SPACA7: variants seen among roughly 807,000 people sequenced by gnomAD.
SPACA7 encodes sperm acrosome associated 7.
SPACA7 carries 19 observed loss-of-function variants against 26.3 expected under a neutral mutation model. That is an observed-to-expected ratio of 0.72 (90% CI 0.50 to 1.06). The LOEUF is 1.06. SPACA7 is among the 50% of genes least tolerant of loss of function. The pLI, the probability that SPACA7 is intolerant of heterozygous loss-of-function variation, is 0.00. For synonymous variants in SPACA7, 84 were observed against 84.5 expected (o/e 0.99, Z 0.04); for missense variants, 211 against 229.9 (o/e 0.92, Z 0.53).
At chr13:112,388,679 C>T (rs570611046) in intron 1 of SPACA7, among the ~76,000 whole-genome samples, 9 of 152,308 alleles carry the variant, frequency 5.9e-5, no homozygotes, top group African/African-American at 1.9e-4. Context: ...AGAGCCAATT[C>T]GTCACAACAG....
chr13:112,392,612 G>A (rs1444270556), intron 1 of SPACA7, among the ~76,000 whole-genome samples: 1 of 152,180 alleles, frequency 6.6e-6, no homozygotes. Context: ...TCACGAAGGA[G>A]GTCCAAATGC....
intron 6 of SPACA7, among the ~76,000 whole-genome samples, chr13:112,433,788 C>A (rs1191678812): frequency 6.6e-6 from 1 of 152,184 alleles, no homozygotes; most frequent in Admixed American, 6.5e-5. Flanking sequence ...GCAGCAGGGA[C>A]CAGGCCAACA....
chr13:112,398,162 C>G (rs770457177), intron 3 of SPACA7, 24 bp downstream of exon 3: 1 of 1,528,866 alleles, frequency 6.5e-7, no homozygotes, highest in Non-Finnish European at 9.1e-7. Flanking sequence ...CAAGCACACC[C>G]CTTTCTAACC....
At chr13:112,420,967 A>G (rs1875904288) in intron 5 of SPACA7, among the ~76,000 whole-genome samples, 1 of 152,178 alleles carries the variant, frequency 6.6e-6, no homozygotes, top group Admixed American at 6.5e-5. Flanking sequence ...CCAGAATTCT[A>G]TTCTCAGAGA....
At chr13:112,404,444 T>A (rs1244106673) in intron 5 of SPACA7, among the ~76,000 whole-genome samples, 1 of 152,238 alleles carries the variant, frequency 6.6e-6, no homozygotes, top group Non-Finnish European at 1.5e-5. Flanking sequence ...CTATCTTTGT[T>A]TTTGTTGTAT....
At chr13:112,413,890 C>T (rs1886511948) in intron 5 of SPACA7, among the ~76,000 whole-genome samples, 1 of 152,140 alleles carries the variant, frequency 6.6e-6, no homozygotes, top group Non-Finnish European at 1.5e-5. Context: ...GTTATGCAGG[C>T]TGTACAGGAA....
At chr13:112,401,036 T>A in intron 4 of SPACA7, 33 bp from the exon 5 acceptor site, 1 of 1,531,544 alleles carries the variant, frequency 6.5e-7, no homozygotes, top group Non-Finnish European at 9.0e-7. Flanking sequence ...ATCAAGGACA[T>A]TTTCCCCATT....
intron 5 of SPACA7, among the ~76,000 whole-genome samples, chr13:112,418,273 T>G (rs763930221): frequency 8.1e-4 from 123 of 152,224 alleles, no homozygotes; most frequent in Non-Finnish European, 1.5e-3. Context: ...CAGATCTAAT[T>G]GCAGAACAAT....
intron 1 of SPACA7, among the ~76,000 whole-genome samples, chr13:112,386,125 T>C (rs938733830): frequency 6.6e-6 from 1 of 152,240 alleles, no homozygotes; most frequent in African/African-American, 2.4e-5. Context: ...CGCATTTTAT[T>C]GCGAGGCAAC....
intron 5 of SPACA7, among the ~76,000 whole-genome samples, chr13:112,428,255 AT>A (rs1486324597): frequency 5.3e-5 from 8 of 152,210 alleles, no homozygotes; most frequent in Admixed American, 1.3e-4. Context: ...CACCTTTTAA[AT>A]TTCTTCTTTG....
intron 1 of SPACA7, chr13:112,382,488 G>A (rs188393907): frequency 1.9e-6 from 3 of 1,550,350 alleles, no homozygotes; most frequent in Non-Finnish European, 2.6e-6. Context: ...GACGTAGTGG[G>A]AATGGGAATG....
intron 1 of SPACA7, among the ~76,000 whole-genome samples, chr13:112,383,117 AAAGAAAAGAAAGAAAGAAAGAAAGAAAG>A (rs1884241787): frequency 2.0e-4 from 2 of 10,170 alleles, no homozygotes; most frequent in African/African-American, 4.0e-4. Flanking sequence ...AAAGAAAAGA[AAAGAAAAGAAAGAAAGAAAGAAAGAAAG>A]AAAGAAAGAA....
At chr13:112,401,510 TAGAC>T (rs1488875473) in intron 5 of SPACA7, among the ~76,000 whole-genome samples, 1 of 152,268 alleles carries the variant, frequency 6.6e-6, no homozygotes, top group Middle Eastern at 3.4e-3. Flanking sequence ...AGATGATAGA[TAGAC>T]AGATAGATGA....
intron 5 of SPACA7, among the ~76,000 whole-genome samples, chr13:112,429,389 A>AT (rs1420104065): frequency 1.3e-5 from 2 of 151,648 alleles, no homozygotes; most frequent in Non-Finnish European, 2.9e-5. Context: ...AAAAAAAAAA[A>AT]GAAAGAAAGA....
At chr13:112,383,713 G>C (rs1173714101) in intron 1 of SPACA7, among the ~76,000 whole-genome samples, 1 of 152,196 alleles carries the variant, frequency 6.6e-6, no homozygotes, top group Non-Finnish European at 1.5e-5. Flanking sequence ...CTTGTACAGG[G>C]ACTCTGTGTG....
At chr13:112,388,849 T>C (rs1280768336) in intron 1 of SPACA7, among the ~76,000 whole-genome samples, 1 of 152,158 alleles carries the variant, frequency 6.6e-6, no homozygotes, top group African/African-American at 2.4e-5. Flanking sequence ...GAGTGCTGAT[T>C]GGTCAGAGAT....
chr13:112,383,080 GA>G (rs1491437574), intron 1 of SPACA7, among the ~76,000 whole-genome samples: 1 of 83,900 alleles, frequency 1.2e-5, no homozygotes. Context: ...GAGAAAGAAA[GA>G]AAAAGAAAGA....
intron 5 of SPACA7, among the ~76,000 whole-genome samples, chr13:112,416,387 G>A (rs1477818803): frequency 6.6e-6 from 1 of 151,912 alleles, no homozygotes; most frequent in Non-Finnish European, 1.5e-5. Context: ...CCTGGGTTCA[G>A]GAGATTCCCC....
intron 5 of SPACA7, among the ~76,000 whole-genome samples, chr13:112,431,939 C>T (rs1292447106): frequency 2.6e-5 from 4 of 152,210 alleles, no homozygotes; most frequent in African/African-American, 9.6e-5. Flanking sequence ...CTGCCTGCAC[C>T]TCTTCCTGAG....
Sources: allele counts gnomAD v4.1 joint callset (sites outside exome capture counted in the v4.1 genomes callset), GRCh38; gene constraint gnomAD v4.1.1; transcripts MANE v1.5; gene names NCBI Gene and HGNC (gene_info 2026-07-23, HGNC 2026-07-21).